The following KMT2A variants were observed in gnomAD, a reference collection of about 807,000 sequenced individuals.
KMT2A encodes the protein histone-lysine N-methyltransferase 2A.
In KMT2A, 16 loss-of-function variants were observed where a neutral mutation model predicts 345.3. The observed-to-expected ratio is 0.05, with a 90% confidence interval of 0.03 to 0.07. KMT2A has a LOEUF of 0.07. Ranked by LOEUF, KMT2A falls within the 10% of genes least tolerant of loss-of-function variation. The probability of loss-of-function intolerance (pLI) is 1.00; values close to 1 mark genes in which losing one functional copy is unlikely to be tolerated. For missense variants in KMT2A, 3,272 were observed against 4,841.6 expected, an observed-to-expected ratio of 0.68 and a Z score of 9.62; for synonymous variants, 1,599 against 1,778.6, an observed-to-expected ratio of 0.90 and a Z score of 2.54.
Position 118,436,886 on chromosome 11 carries a change from A to T in KMT2A, c.374A>T (p.Asn125Ile). ...CAGGTCTCGGCCGCCATCGGCACCA[A>T]CCTGCGCCGGTTCCGGGCCGTGTTT... Reference protein sequence around the residue: ...ALQVSAAIGTNLRRFRAVFGE... With the variant: ...ALQVSAAIGTILRRFRAVFGE... Residue 125 changes from asparagine (N) to isoleucine (I), a missense_variant, in exon 1 of 36, where the codon AAC (asparagine) becomes ATC (isoleucine). Asn to Ile is a moderately radical substitution (Grantham distance 149). Transcript: ENST00000534358. This position sits in a 1 kb window ranked among gnomAD's most constrained non-coding sequence, Gnocchi z 6.9. 1 of 1,589,870 alleles carries T rather than the reference A, an allele frequency of 6.3e-7. No homozygotes were observed. The highest frequency in any genetic ancestry group is 1.7e-4 in the Middle Eastern group (1 of 5,992).
chr11:118,503,525 A>G lies in KMT2A; in HGVS notation c.7633A>G (p.Ser2545Gly). The change falls in exon 27 of 36, where the codon AGT (serine) becomes GGT (glycine). Residue 2545 changes from serine (S) to glycine (G), a missense_variant. By Grantham distance (56) the Ser-to-Gly change is moderately conservative. Transcript: ENST00000534358. This position sits in a 1 kb window ranked among gnomAD's most constrained non-coding sequence, Gnocchi z 5.3. Reference protein sequence around the residue: ...ESQSKNALKESSPASPLQIES... With the variant: ...ESQSKNALKEGSPASPLQIES... Reference sequence around the variant, plus strand: ...TCAATCCAAAAATGCCCTGAAAGAAAGTAGTCCTGCTTCCCCTTTGCAAAT... The same window carrying G: ...TCAATCCAAAAATGCCCTGAAAGAAGGTAGTCCTGCTTCCCCTTTGCAAAT... The G allele has an allele frequency of 6.2e-7, 1 of 1,614,210 alleles. No individual in the cohort carries two copies. Among genetic ancestry groups the G allele is most frequent in the Non-Finnish European group, 8.5e-7 (1 of 1,180,030 alleles).
rs1555040876 is a variant in KMT2A, at chr11:118,486,374, G to GT, written c.4332+1399_4332+1400insT. ...ATGGGTGACCTTTATTTGTTTCTCTGGTTTTTTTTTTTTAATCTTTCTGAG... is the reference window on the plus strand; with the variant it reads ...ATGGGTGACCTTTATTTGTTTCTCTGTGTTTTTTTTTTTTAATCTTTCTGAG... On this transcript the variant is annotated intron_variant, in intron 10 of 35. Transcript: ENST00000534358. 3.0e-4 allele frequency among the ~76,000 whole-genome samples: 15 copies of GT among 49,668 alleles called. No individual in the cohort carries two copies. The Admixed American group carries it at 3.2e-3, about 11-fold the overall frequency. The allele number at this position is 49,668 out of a possible 152,430, so 32.6% of individuals were successfully genotyped here. A position where few individuals can be genotyped will look rare whatever the true frequency, so the allele number is the denominator to read the frequency against.
At chr11:118,460,310 A>G (rs1949722000) in intron 1 of KMT2A, among the ~76,000 whole-genome samples, 1 of 152,192 alleles carries the variant, frequency 6.6e-6, no homozygotes, top group Non-Finnish European at 1.5e-5. Context: ...TTTTTCTGAG[A>G]TAGGGACTTG....
At chr11:118,482,647 C>T (rs1009562812) in intron 8 of KMT2A, 152 bp downstream of exon 8, 18 of 555,026 alleles carry the variant, frequency 3.2e-5, no homozygotes, top group Middle Eastern at 4.7e-4. Context: ...CGGTGGCTCA[C>T]GCTGGTAATC....
rs781894017 is a variant in KMT2A at position 118,499,908 on chromosome 11, A to G, written c.6153A>G (p.Gly2051=). 3 of 1,603,650 alleles carry G rather than the reference A, an allele frequency of 1.9e-6. No homozygotes were observed. The highest frequency in any genetic ancestry group is 2.6e-6 in the Non-Finnish European group (3 of 1,170,496). Residue 2051 remains glycine (G), a synonymous_variant, in exon 24 of 36, where the codon GGA becomes GGG. Transcript: ENST00000534358. ...SDCEDKLFPI[G]YQCSRVYWST... ...GTGAAGATAAGCTCTTTCCTATTGG[A>G]TATCAGTAAGTAGCACTATAAAGAG...
At position 118,436,940 on chromosome 11, in the gene KMT2A, G is replaced by A. The variant is rs1555138829; in HGVS notation, c.428G>A (p.Gly143Glu). Residue 143 changes from glycine (G) to glutamate (E), a missense_variant, in exon 1 of 36, where the codon GGA becomes GAA. Coordinates refer to ENST00000534358, the MANE Select transcript of KMT2A (RefSeq NM_001197104.2). The surrounding 1 kb of genome is among the most constrained non-coding windows in gnomAD (Gnocchi z 6.9). ...FGESGGGGGSGEDEQFLGFGS... is the reference protein window; with the variant it reads ...FGESGGGGGSEEDEQFLGFGS... ...GAGAGCGGCGGGGGAGGCGGCAGCG[G>A]AGAGGTAAGGGGGCGAGGAACCCCC... The A allele has an allele frequency of 1.3e-6, 2 of 1,529,512 alleles. No individual in the cohort carries two copies. The highest frequency in any genetic ancestry group is 1.4e-5 in the African/African-American group (1 of 72,002). 94.7% of individuals were successfully genotyped at this position (1,529,512 alleles called of 1,614,324 possible).
intron 1 of KMT2A, chr11:118,447,843 G>A: frequency 4.0e-6 from 1 of 250,560 alleles, no homozygotes; most frequent in Non-Finnish European, 8.2e-6. Flanking sequence ...AGAGAAAATA[G>A]GTTTAAACCG....
rs782309429 is a variant in KMT2A, at chr11:118,472,335, T to C, written c.1176T>C (p.Ala392=). 2 of 1,613,810 alleles carry C rather than the reference T, an allele frequency of 1.2e-6. No homozygotes were observed. Among genetic ancestry groups the C allele is most frequent in the East Asian group, 2.2e-5 (1 of 44,886 alleles). The part of the protein sequence containing the change: ...GAQKKIEKEA[A]QLQGRKVKTQ... ...AAAAGAAAATTGAAAAAGAAGCAGC[T>C]CAGCTGCAGGGAAGAAAGGTGAAGA... Residue 392 remains alanine (A), a synonymous_variant, in exon 3 of 36, where the codon GCT becomes GCC. Transcript: ENST00000534358.
At chr11:118,518,249 T>C (rs1430306083) in intron 31 of KMT2A, among the ~76,000 whole-genome samples, 2 of 152,256 alleles carry the variant, frequency 1.3e-5, no homozygotes, top group Admixed American at 1.3e-4. Context: ...GCAGTTGTAA[T>C]TGTGCCCTGT....
Position 118,503,435 on chromosome 11 carries a change from T to C in KMT2A, c.7543T>C (p.Leu2515=). The part of the protein sequence containing the change: ...PMQVEGSAKE[L]QAPRKRTVKV... ...GCAAGTAGAAGGATCTGCCAAGGAA[T>C]TACAGGCACCACGGAAACGCACAGT... Residue 2515 remains leucine (L), a synonymous_variant, in exon 27 of 36, where the codon TTA becomes CTA. Coordinates refer to ENST00000534358, the MANE Select transcript of KMT2A (RefSeq NM_001197104.2). The surrounding 1 kb of genome is among the most constrained non-coding windows in gnomAD (Gnocchi z 5.3). The C allele has an allele frequency of 6.2e-7, 1 of 1,614,068 alleles. No homozygotes were observed. The highest frequency in any genetic ancestry group is 8.5e-7 in the Non-Finnish European group (1 of 1,179,986).
chr11:118,477,783 A>G (rs1256272019), intron 4 of KMT2A, among the ~76,000 whole-genome samples, 184 bp from the exon 5 acceptor site: 1 of 152,106 alleles, frequency 6.6e-6, no homozygotes, highest in Non-Finnish European at 1.5e-5. Context: ...CTAGGATTAC[A>G]GGCATGAGCC....
At chr11:118,443,398 G>GT in intron 1 of KMT2A, among the ~76,000 whole-genome samples, 1 of 152,188 alleles carries the variant, frequency 6.6e-6, no homozygotes, top group Non-Finnish European at 1.5e-5. Context: ...ATTTCAATGA[G>GT]TTTTTTACCT....
Position 118,473,560 on chromosome 11 carries a change from C to T in KMT2A, c.2401C>T (p.His801Tyr), listed in dbSNP as rs375240261. Reference protein sequence around the residue: ...ALNPTFTFPSHSLTQSGESAE... With the variant: ...ALNPTFTFPSYSLTQSGESAE... ...AAACCCAACTTTTACTTTTCCTTCT[C>T]ATTCCCTGACTCAGTCTGGGGAATC... Residue 801 changes from histidine (H) to tyrosine (Y), a missense_variant, in exon 3 of 36, where the codon CAT becomes TAT. By Grantham distance (83) the His-to-Tyr change is moderately conservative. Around this residue, in one of 27 missense-constraint regions of KMT2A, gnomAD observed 209 missense variants for 237.4 expected, o/e 0.88. Coordinates refer to ENST00000534358, the MANE Select transcript of KMT2A (RefSeq NM_001197104.2). This position sits in a 1 kb window ranked among gnomAD's most constrained non-coding sequence, Gnocchi z 5.2. The T allele has an allele frequency of 1.2e-4, 188 of 1,614,000 alleles. No individual in the cohort carries two copies. Among genetic ancestry groups the T allele is most frequent in the Non-Finnish European group, 1.5e-4 (177 of 1,180,052 alleles).
In KMT2A at chr11:118,520,512, G is replaced by A. The variant is rs1449393896; in HGVS notation, c.11430-290G>A. ...CTAAAAATACAAAAATTAGCCCGGC[G>A]TGGTGGCGCGCGCCTGTAGTCCCAC... On this transcript the variant is annotated intron_variant, in intron 33 of 35. Coordinates refer to ENST00000534358, the MANE Select transcript of KMT2A (RefSeq NM_001197104.2). This position sits in a 1 kb window ranked among gnomAD's most constrained non-coding sequence, Gnocchi z 4.3. 5.4e-5 allele frequency: 21 copies of A among 390,484 alleles called. No individual in the cohort carries two copies. Among genetic ancestry groups the A allele is most frequent in the Admixed American group, 1.6e-4 (4 of 25,528 alleles). 24.2% of individuals were successfully genotyped at this position (390,484 alleles called of 1,614,324 possible). A position where few individuals can be genotyped will look rare whatever the true frequency, so the allele number is the denominator to read the frequency against.
At chr11:118,461,150 T>C (rs181059213) in intron 1 of KMT2A, among the ~76,000 whole-genome samples, 10 of 152,338 alleles carry the variant, frequency 6.6e-5, no homozygotes, top group Non-Finnish European at 1.3e-4. Flanking sequence ...GGTTCTTTTG[T>C]GGGAGAAATA....
intron 27 of KMT2A, 90 bp from the exon 28 acceptor site, chr11:118,507,439 T>C: frequency 1.8e-6 from 2 of 1,126,154 alleles, no homozygotes; most frequent in Non-Finnish European, 2.7e-6. Flanking sequence ...TATCAGATCC[T>C]GATAGAGCCA....
chr11:118,520,542 T>C lies in KMT2A; in HGVS notation c.11430-260T>C, dbSNP rs1339956546. ...GGCGCGCGCCTGTAGTCCCACCTAC[T>C]CAGCAGGCTGAGGCAAGAGAATCGC... On this transcript the variant is annotated intron_variant, in intron 33 of 35. Coordinates refer to ENST00000534358, the MANE Select transcript of KMT2A (RefSeq NM_001197104.2). This position sits in a 1 kb window ranked among gnomAD's most constrained non-coding sequence, Gnocchi z 4.3. The C allele has an allele frequency of 4.2e-6, 2 of 474,204 alleles. No homozygotes were observed. Among genetic ancestry groups the C allele is most frequent in the Admixed American group, 3.4e-5 (1 of 29,656 alleles). 29.4% of individuals were successfully genotyped at this position (474,204 alleles called of 1,614,324 possible).
chr11:118,472,144 A>G lies in KMT2A; in HGVS notation c.985A>G (p.Lys329Glu), dbSNP rs782513413. The G allele has an allele frequency of 3.1e-6, 5 of 1,614,102 alleles. No homozygotes were observed. The East Asian group carries it at 1.1e-4, about 36-fold the overall frequency. The change falls in exon 3 of 36, where the codon AAA (lysine) becomes GAA (glutamate). Residue 329 changes from lysine to glutamate, a missense_variant. This residue lies in a region of KMT2A where 412 missense variants were observed against 511.0 expected (regional missense o/e 0.81). Transcript: ENST00000534358. The part of the protein sequence containing the change: ...LINSELEKPQ[K>E]VRKDKEGTPP... Reference sequence around the variant, plus strand: ...TAATTCTGAACTGGAAAAGCCCCAGAAAGTCCGGAAAGACAAGGAAGGAAC... The same window carrying G: ...TAATTCTGAACTGGAAAAGCCCCAGGAAGTCCGGAAAGACAAGGAAGGAAC...
At chr11:118,468,912 C>A in intron 2 of KMT2A, 68 bp downstream of exon 2, 1 of 1,229,006 alleles carries the variant, frequency 8.1e-7, no homozygotes, top group Non-Finnish European at 1.2e-6. Context: ...TTCCTCTTGC[C>A]TTCTTTACAT....
Sources: allele counts gnomAD v4.1 joint callset (sites outside exome capture counted in the v4.1 genomes callset), GRCh38; gene constraint gnomAD v4.1.1; regional missense constraint gnomAD v4.1.1; non-coding constraint Gnocchi (gnomAD v3.1); transcripts MANE v1.5; gene names NCBI Gene and HGNC (gene_info 2026-07-23, HGNC 2026-07-21).